ENOX1: variants seen among roughly 807,000 people sequenced by gnomAD.
ENOX1 encodes the protein candidate growth-related and time keeping constitutive hydroquinone (NADH) oxidase.
Under a neutral mutation model 82.5 loss-of-function variants are expected in ENOX1, and 42 were observed. The ratio of observed to expected loss-of-function variants is 0.51; its 90% confidence interval spans 0.40 to 0.66. ENOX1 has a LOEUF of 0.66. ENOX1 is among the 30% of genes least tolerant of loss of function. ENOX1 has a pLI of 0.00. For synonymous variants in ENOX1, 271 were observed against 282.2 expected (o/e 0.96, Z 0.40); for missense variants, 608 against 811.6 (o/e 0.75, Z 3.05).
intron 1 of ENOX1, among the ~76,000 whole-genome samples, chr13:43,781,217 A>G (rs1411843593): frequency 6.6e-6 from 1 of 152,196 alleles, no homozygotes; most frequent in East Asian, 1.9e-4. Flanking sequence ...CTAAACTTTT[A>G]CTATCCACAC....
At chr13:43,616,654 T>C (rs1183570079) in intron 2 of ENOX1, among the ~76,000 whole-genome samples, 1 of 152,174 alleles carries the variant, frequency 6.6e-6, no homozygotes, top group Non-Finnish European at 1.5e-5. Context: ...TGTAATGATA[T>C]GGTTCATATC....
intron 2 of ENOX1, among the ~76,000 whole-genome samples, chr13:43,520,632 C>T (rs886233065): frequency 7.9e-5 from 12 of 152,112 alleles, no homozygotes; most frequent in African/African-American, 2.9e-4. Context: ...ACCATGCAGA[C>T]AGAGGATTAG....
At chr13:43,576,788 G>A (rs573191570) in intron 2 of ENOX1, among the ~76,000 whole-genome samples, 64 of 152,284 alleles carry the variant, frequency 4.2e-4, no homozygotes, top group Non-Finnish European at 8.7e-4. Flanking sequence ...TATTTCTATG[G>A]AACAGCACTA....
intron 3 of ENOX1, among the ~76,000 whole-genome samples, chr13:43,432,693 G>C (rs534410145): frequency 4.9e-4 from 74 of 152,058 alleles, no homozygotes; most frequent in Non-Finnish European, 7.5e-4. Context: ...AAATGACTTT[G>C]ACATTTTAAA....
chr13:43,315,442 T>C (rs1222391102), intron 11 of ENOX1, among the ~76,000 whole-genome samples: 2 of 152,096 alleles, frequency 1.3e-5, no homozygotes, highest in African/African-American at 4.8e-5. Context: ...GAATAAATTC[T>C]ACTGAAGAAT....
intron 2 of ENOX1, among the ~76,000 whole-genome samples, chr13:43,665,888 G>A (rs533663307): frequency 4.3e-4 from 64 of 148,838 alleles, no homozygotes; most frequent in East Asian, 2.0e-3. Context: ...CTTGCCATTC[G>A]CTAATTCAAC....
At chr13:43,668,047 C>T (rs2085072060) in intron 1 of ENOX1, among the ~76,000 whole-genome samples, 1 of 152,168 alleles carries the variant, frequency 6.6e-6, no homozygotes, top group Admixed American at 6.5e-5. Flanking sequence ...TAAGCTTTCT[C>T]TCAGGAAATT....
At chr13:43,643,298 G>A (rs770621375) in intron 2 of ENOX1, among the ~76,000 whole-genome samples, 5 of 152,086 alleles carry the variant, frequency 3.3e-5, no homozygotes, top group Non-Finnish European at 7.4e-5. Context: ...ACTAATGATC[G>A]TGATCAGTTT....
intron 16 of ENOX1, among the ~76,000 whole-genome samples, chr13:43,214,879 G>A (rs1295811988): frequency 6.6e-6 from 1 of 152,102 alleles, no homozygotes; most frequent in Non-Finnish European, 1.5e-5. Context: ...CGGCCAATTT[G>A]GGGTCTGATA....
chr13:43,649,786 G>A (rs111266114), intron 2 of ENOX1, among the ~76,000 whole-genome samples: 2 of 134,322 alleles, frequency 1.5e-5, no homozygotes, highest in Admixed American at 7.1e-5. Flanking sequence ...CAAACCAAAA[G>A]TCCCTTGGCC....
intron 1 of ENOX1, among the ~76,000 whole-genome samples, chr13:43,781,201 C>T (rs1224487272): frequency 6.6e-6 from 1 of 152,156 alleles, no homozygotes; most frequent in Non-Finnish European, 1.5e-5. Flanking sequence ...ATTTCTTCTC[C>T]ATTCTCTAAA....
At chr13:43,359,760 AT>A (rs887158940) in intron 7 of ENOX1, 90 bp downstream of exon 7, 19 of 1,252,780 alleles carry the variant, frequency 1.5e-5, no homozygotes, top group Non-Finnish European at 2.2e-5. Flanking sequence ...TGAAGACTTT[AT>A]TTTGCATGAA....
At chr13:43,694,278 G>A (rs1207718061) in intron 1 of ENOX1, among the ~76,000 whole-genome samples, 1 of 150,942 alleles carries the variant, frequency 6.6e-6, no homozygotes, top group South Asian at 2.1e-4. Flanking sequence ...GCTAGTCTGT[G>A]CTAGAACAAA....
chr13:43,633,524 A>AT (rs1291914732), intron 2 of ENOX1, among the ~76,000 whole-genome samples: 1 of 152,166 alleles, frequency 6.6e-6, no homozygotes. Flanking sequence ...AAAGTAAATT[A>AT]TTAAGTATCC....
intron 1 of ENOX1, among the ~76,000 whole-genome samples, chr13:43,673,200 C>T (rs974977420): frequency 2.0e-5 from 3 of 150,202 alleles, no homozygotes; most frequent in African/African-American, 4.9e-5. Context: ...TATACATGTT[C>T]GATTCTCATA....
chr13:43,269,042 C>T (rs2044538851), intron 13 of ENOX1, among the ~76,000 whole-genome samples: 1 of 152,152 alleles, frequency 6.6e-6, no homozygotes, highest in Admixed American at 6.5e-5. Context: ...TACCCTGATG[C>T]ACAGGGAAGA....
At chr13:43,387,239 T>G (rs1358367097) in intron 5 of ENOX1, among the ~76,000 whole-genome samples, 15 of 152,158 alleles carry the variant, frequency 9.9e-5, no homozygotes. Context: ...TACAGGGATG[T>G]AGGAGAGTTA....
At chr13:43,461,006 T>C (rs2057461304) in intron 3 of ENOX1, among the ~76,000 whole-genome samples, 1 of 152,134 alleles carries the variant, frequency 6.6e-6, no homozygotes, top group Admixed American at 6.5e-5. Context: ...GATGGATATA[T>C]GAATTTAATG....
At chr13:43,306,547 T>C (rs1293621411) in intron 11 of ENOX1, among the ~76,000 whole-genome samples, 1 of 152,164 alleles carries the variant, frequency 6.6e-6, no homozygotes, top group Non-Finnish European at 1.5e-5. Flanking sequence ...GCACCTCCCT[T>C]GGGTGTAGTA....
Sources: allele counts gnomAD v4.1 joint callset (sites outside exome capture counted in the v4.1 genomes callset), GRCh38; gene constraint gnomAD v4.1.1; transcripts MANE v1.5; gene names NCBI Gene and HGNC (gene_info 2026-07-23, HGNC 2026-07-21).